SH3D19: variants seen among roughly 807,000 people sequenced by gnomAD.
The protein encoded by SH3D19 is SH3 domain-containing protein 19.
Under a neutral mutation model 112.1 loss-of-function variants are expected in SH3D19, and 58 were observed. That is an observed-to-expected ratio of 0.52 (90% CI 0.42 to 0.64). SH3D19 has a LOEUF of 0.64. SH3D19 is among the 30% of genes least tolerant of loss of function. SH3D19 has a pLI of 0.00. For missense variants in SH3D19, 1,090 were observed against 1,263.4 expected (o/e 0.86, Z 2.08); for synonymous variants, 391 against 448.5 (o/e 0.87, Z 1.62).
At chr4:151,145,684 AAATCT>A (rs1753805571) in intron 11 of SH3D19, among the ~76,000 whole-genome samples, 3 of 152,174 alleles carry the variant, frequency 2.0e-5, no homozygotes, top group Non-Finnish European at 4.4e-5. Flanking sequence ...ACCAAATGTG[AAATCT>A]GGTTCCCCTT....
intron 1 of SH3D19, among the ~76,000 whole-genome samples, chr4:151,232,151 T>G (rs1455445878): frequency 6.6e-6 from 1 of 152,204 alleles, no homozygotes; most frequent in African/African-American, 2.4e-5. Flanking sequence ...GCCACTGCAC[T>G]CCAGCCTGGG....
In SH3D19 at chr4:151,137,908, C is replaced by T. The variant is rs931343170; in HGVS notation, c.2297-46G>A. ...TATGTATGATGAATCATCCTGGTTG[C>T]AGATTTGATAAAAGCACAAAGTAGC... On this transcript the variant is annotated intron_variant, in intron 13 of 19. Coordinates refer to ENST00000604030, the MANE Select transcript of SH3D19 (RefSeq NM_001378122.1). The T allele has an allele frequency of 2.6e-6, 4 of 1,523,982 alleles. No individual in the cohort carries two copies. In the African/African-American group the frequency reaches 5.6e-5, roughly 21 times the overall value. 94.4% of individuals were successfully genotyped at this position (1,523,982 alleles called of 1,614,324 possible).
At chr4:151,284,165 ATTCTGCC>A (rs1295058326) in intron 1 of SH3D19, among the ~76,000 whole-genome samples, 1 of 152,222 alleles carries the variant, frequency 6.6e-6, no homozygotes, top group Non-Finnish European at 1.5e-5. Context: ...TTCAAAAACT[ATTCTGCC>A]TCATTTCTCT....
chr4:151,286,484 ATAAC>A (rs1247194773), intron 1 of SH3D19, among the ~76,000 whole-genome samples: 1 of 151,786 alleles, frequency 6.6e-6, no homozygotes, highest in Non-Finnish European at 1.5e-5. Context: ...AAAAAATTAG[ATAAC>A]TAAGATGATA....
At chr4:151,239,496 A>G (rs554774526) in intron 1 of SH3D19, among the ~76,000 whole-genome samples, 1 of 152,300 alleles carries the variant, frequency 6.6e-6, no homozygotes, top group South Asian at 2.1e-4. Flanking sequence ...TTTTATTTGG[A>G]AAGAATGCAT....
intron 2 of SH3D19, among the ~76,000 whole-genome samples, chr4:151,197,879 A>G (rs1763707436): frequency 6.6e-6 from 1 of 152,184 alleles, no homozygotes; most frequent in South Asian, 2.1e-4. Context: ...GTTTGAAGCC[A>G]AGGCTTTATG....
At chr4:151,317,557 C>T (rs967426453) in intron 1 of SH3D19, among the ~76,000 whole-genome samples, 3 of 152,142 alleles carry the variant, frequency 2.0e-5, no homozygotes, top group South Asian at 2.1e-4. Context: ...GAAAACAGAA[C>T]GAAGGGATGC....
At chr4:151,226,219 A>G (rs1163689157) in intron 1 of SH3D19, 133 bp from the exon 2 acceptor site, 4 of 1,226,184 alleles carry the variant, frequency 3.3e-6, no homozygotes, top group Middle Eastern at 3.1e-4. Context: ...TCCTAAGTAT[A>G]AGGCTCTTCA....
At chr4:151,168,399 CTT>C (rs35899876) in intron 7 of SH3D19, among the ~76,000 whole-genome samples, 5 of 45,418 alleles carry the variant, frequency 1.1e-4, no homozygotes, top group South Asian at 5.3e-4. Context: ...AGTAGCATTT[CTT>C]TTTTTTTTTT....
intron 1 of SH3D19, among the ~76,000 whole-genome samples, chr4:151,294,993 G>A (rs564083906): frequency 6.6e-6 from 1 of 152,268 alleles, no homozygotes; most frequent in East Asian, 1.9e-4. Flanking sequence ...CGAGTACAAA[G>A]GTTCTGAGTT....
chr4:151,148,808 G>A (rs1754409043), intron 10 of SH3D19, among the ~76,000 whole-genome samples: 1 of 152,168 alleles, frequency 6.6e-6, no homozygotes, highest in Non-Finnish European at 1.5e-5. Context: ...GGGAGGCCCA[G>A]ATGGACGGAT....
chr4:151,282,450 C>A, intron 1 of SH3D19: 1 of 1,607,080 alleles, frequency 6.2e-7, no homozygotes, highest in South Asian at 1.1e-5. Flanking sequence ...TTTCATATGT[C>A]ATCCTCTTGT....
intron 9 of SH3D19, among the ~76,000 whole-genome samples, chr4:151,150,365 T>C (rs1336276796): frequency 6.8e-6 from 1 of 147,456 alleles, no homozygotes; most frequent in Admixed American, 6.9e-5. Flanking sequence ...ATACATGCTC[T>C]TTATTCATTC....
intron 7 of SH3D19, among the ~76,000 whole-genome samples, chr4:151,169,613 T>C (rs992544438): frequency 6.6e-6 from 1 of 152,194 alleles, no homozygotes; most frequent in Non-Finnish European, 1.5e-5. Context: ...GGGCTATTTT[T>C]TCCAACATAA....
chr4:151,176,462 A>T, intron 6 of SH3D19, 72 bp downstream of exon 6: 1 of 1,175,498 alleles, frequency 8.5e-7, no homozygotes, highest in Non-Finnish European at 1.1e-6. Flanking sequence ...AAATTATTTT[A>T]AAGGCTGGAA....
At chr4:151,143,122 A>AGCTACT (rs1195775752) in intron 12 of SH3D19, among the ~76,000 whole-genome samples, 1 of 151,994 alleles carries the variant, frequency 6.6e-6, no homozygotes, top group East Asian at 1.9e-4. Context: ...CTGTAGTCCC[A>AGCTACT]GCTACTCAGG....
At chr4:151,272,022 A>G (rs1244920891) in intron 1 of SH3D19, among the ~76,000 whole-genome samples, 5 of 152,172 alleles carry the variant, frequency 3.3e-5, no homozygotes, top group Admixed American at 6.5e-5. Flanking sequence ...TGTGTTCAGG[A>G]AAGTCCTTGG....
chr4:151,240,676 C>T (rs922303822), intron 1 of SH3D19, among the ~76,000 whole-genome samples: 5 of 151,846 alleles, frequency 3.3e-5, no homozygotes, highest in South Asian at 2.1e-4. Context: ...AATCAGAATC[C>T]TCATACGCTG....
chr4:151,262,528 C>T (rs973326264), intron 1 of SH3D19, among the ~76,000 whole-genome samples: 2 of 152,212 alleles, frequency 1.3e-5, no homozygotes, highest in Non-Finnish European at 2.9e-5. Context: ...CTTGCCTTCC[C>T]CAGTGTGCTT....
Sources: allele counts gnomAD v4.1 joint callset (sites outside exome capture counted in the v4.1 genomes callset), GRCh38; gene constraint gnomAD v4.1.1; transcripts MANE v1.5; gene names NCBI Gene and HGNC (gene_info 2026-07-23, HGNC 2026-07-21).